Variants in SYNE1 observed in about 807,000 individuals in gnomAD.
The protein encoded by SYNE1 is nesprin-1.
In SYNE1, 616 loss-of-function variants were observed where a neutral mutation model predicts 1,111.0. That is an observed-to-expected ratio of 0.55 (90% CI 0.52 to 0.59). The LOEUF (loss-of-function observed/expected upper bound fraction) is 0.59. Among genes scored for constraint, SYNE1 ranks in the 20% least tolerant of loss-of-function variants. The pLI is 0.00. For missense variants in SYNE1, 10,006 were observed against 10,417.0 expected (o/e 0.96, Z 1.72); for synonymous variants, 3,855 against 3,825.8 (o/e 1.01, Z -0.28).
At chr6:152,195,981 G>A (rs1025821710) in intron 127 of SYNE1, among the ~76,000 whole-genome samples, 2 of 152,164 alleles carry the variant, frequency 1.3e-5, no homozygotes, top group South Asian at 2.1e-4. Context: ...AGCTGGTACC[G>A]AAACCATAAG....
intron 130 of SYNE1, among the ~76,000 whole-genome samples, chr6:152,170,270 A>T (rs1230932675): frequency 6.6e-6 from 1 of 152,214 alleles, no homozygotes; most frequent in Non-Finnish European, 1.5e-5. Context: ...AGAAAATCCT[A>T]GATAAGTTGT....
At chr6:152,616,495 G>C (rs2099650154) in intron 3 of SYNE1, among the ~76,000 whole-genome samples, 1 of 152,116 alleles carries the variant, frequency 6.6e-6, no homozygotes, top group Non-Finnish European at 1.5e-5. Flanking sequence ...AGGATTGCTT[G>C]AGCCCAGGAG....
chr6:152,589,559 AC>A (rs2099551940), intron 3 of SYNE1, among the ~76,000 whole-genome samples: 2 of 152,200 alleles, frequency 1.3e-5, no homozygotes, highest in African/African-American at 4.8e-5. Context: ...CCATATGGGA[AC>A]TTTTTTCTAA....
intron 145 of SYNE1, chr6:152,127,236 G>C (rs2053783755): frequency 6.6e-6 from 1 of 152,156 alleles, no homozygotes; most frequent in Non-Finnish European, 1.5e-5. Context: ...TAACGGGGTA[G>C]GGTCTGGAGT....
chr6:152,403,724 TAAAC>T (rs971792624), intron 46 of SYNE1, among the ~76,000 whole-genome samples: 1 of 151,872 alleles, frequency 6.6e-6, no homozygotes, highest in East Asian at 1.9e-4. Flanking sequence ...CCTGTCTCAA[TAAAC>T]AAACAAACAA....
intron 3 of SYNE1, among the ~76,000 whole-genome samples, chr6:152,585,123 G>C (rs2099533466): frequency 6.6e-6 from 1 of 151,686 alleles, no homozygotes; most frequent in Non-Finnish European, 1.5e-5. Context: ...TTTTATGAGG[G>C]GCTTTTCCCC....
chr6:152,368,839 C>T (rs1054691461), intron 61 of SYNE1, 133 bp downstream of exon 61: 35 of 1,059,280 alleles, frequency 3.3e-5, no homozygotes, highest in South Asian at 2.3e-4. Flanking sequence ...ACAGCACACA[C>T]GCCCCTTACT....
In SYNE1 at chr6:152,259,365, G is replaced by A. The variant is rs192180222; in HGVS notation, c.18973-2600C>T. 1.0e-3 allele frequency among the ~76,000 whole-genome samples: 157 copies of A among 152,250 alleles called. 1 individual carries two copies. The highest frequency in any genetic ancestry group is 3.6e-3 in the African/African-American group (151 of 41,552). On this transcript the variant is annotated intron_variant, in intron 101 of 145. Coordinates refer to ENST00000367255, the MANE Select transcript of SYNE1 (RefSeq NM_182961.4). ...TGTATTTCACCCTGAAGCCAAGTAG[G>A]TTGTTGTGCATGGAAGCATTAAATA...
chr6:152,536,374 A>G (rs1420590337), intron 4 of SYNE1, among the ~76,000 whole-genome samples: 2 of 128,538 alleles, frequency 1.6e-5, no homozygotes, highest in Admixed American at 8.2e-5. Context: ...ATATATATAT[A>G]GTAATATATA....
At chr6:152,377,026 A>T in intron 56 of SYNE1, 114 bp from the exon 57 acceptor site, 1 of 1,313,700 alleles carries the variant, frequency 7.6e-7, no homozygotes, top group Non-Finnish European at 1.1e-6. Flanking sequence ...AAGAACCAAC[A>T]TGGTAGATTC....
At chr6:152,456,687 T>C (rs765491297) in intron 22 of SYNE1, 20 of 449,328 alleles carry the variant, frequency 4.5e-5, no homozygotes, top group South Asian at 3.2e-4. Flanking sequence ...CACCTCTGAC[T>C]TGTAGCCTGC....
chr6:152,282,056 T>C (rs2094060344), intron 96 of SYNE1, 76 bp from the exon 97 acceptor site: 1 of 1,470,752 alleles, frequency 6.8e-7, no homozygotes. Flanking sequence ...AAAGCAATGG[T>C]TCCAGGCCCT....
intron 137 of SYNE1, chr6:152,144,126 A>G (rs2059025517): frequency 8.9e-6 from 3 of 337,174 alleles, no homozygotes; most frequent in African/African-American, 4.3e-5. Flanking sequence ...CATCTCAGTA[A>G]GGAGAAAGCT....
At chr6:152,549,012 G>T (rs546149648) in intron 3 of SYNE1, among the ~76,000 whole-genome samples, 26 of 152,318 alleles carry the variant, frequency 1.7e-4, no homozygotes, top group African/African-American at 6.0e-4. Flanking sequence ...ATCTGTGGAA[G>T]AATTCAGATG....
At chr6:152,502,539 C>A (rs1383582268) in intron 10 of SYNE1, 94 bp downstream of exon 10, 1 of 923,464 alleles carries the variant, frequency 1.1e-6, no homozygotes, top group African/African-American at 1.6e-5. Flanking sequence ...TATTAAAATG[C>A]ATTCAAATTT....
At chr6:152,405,282 A>G (rs1196771924) in intron 45 of SYNE1, among the ~76,000 whole-genome samples, 1 of 152,208 alleles carries the variant, frequency 6.6e-6, no homozygotes, top group Non-Finnish European at 1.5e-5. Flanking sequence ...AGCATATTGA[A>G]TCATTGGATT....
In SYNE1 at chr6:152,301,901, G is replaced by A. The variant is rs762353997; in HGVS notation, c.17509C>T (p.Pro5837Ser). 3.1e-6 allele frequency: 5 copies of A among 1,613,716 alleles called. No homozygotes were observed. Among genetic ancestry groups the A allele is most frequent in the Non-Finnish European group, 4.2e-6 (5 of 1,179,822 alleles). The change falls in exon 92 of 146, where the codon CCC becomes TCC. Residue 5837 changes from proline (P) to serine (S), a missense_variant. Physicochemically the swap from Pro to Ser is moderately conservative, Grantham distance 74. This residue lies in a region of SYNE1 where 4,955 missense variants were observed against 5,017.2 expected (regional missense o/e 0.99). Coordinates refer to ENST00000367255, the MANE Select transcript of SYNE1 (RefSeq NM_182961.4). ...GTEDLDGELL[P>S]TPSAHPSVVM... ...ACAGAGGGGTGGGCCGAAGGCGTGG[G>A]GAGGAGCTCCCCATCCAGGTCCTCT...
rs574053671 is a variant in SYNE1, at chr6:152,331,581, G to A, written c.13104C>T (p.Ala4368=). Residue 4368 remains alanine, a synonymous_variant, in exon 78 of 146, where the codon GCC becomes GCT. Coordinates refer to ENST00000367255, the MANE Select transcript of SYNE1 (RefSeq NM_182961.4). The part of the protein sequence containing the change: ...EWAEEQQPNI[A]EALKQSPPPD... ...GAGGAGGGCTCTGCTTAAGGGCCTCGGCGATGTTGGGTTGTTGCTCTTCTG... is the reference window on the plus strand; with the variant it reads ...GAGGAGGGCTCTGCTTAAGGGCCTCAGCGATGTTGGGTTGTTGCTCTTCTG... 13 of 1,614,094 alleles carry A rather than the reference G, an allele frequency of 8.1e-6. No homozygotes were observed. Among genetic ancestry groups the A allele is most frequent in the African/African-American group, 6.7e-5 (5 of 75,014 alleles).
In SYNE1 at chr6:152,256,431, AAAATAAAT is replaced by A. The variant is rs3038206; in HGVS notation, c.19104+195_19104+202del. Among the ~76,000 whole-genome samples the A allele has an allele frequency of 0.14, 20,624 of 146,958 alleles. 1,992 individuals carry two copies. The highest frequency in any genetic ancestry group is 0.45 in the East Asian group (2,217 of 4,960). On this transcript the variant is annotated intron_variant, in intron 102 of 145. Coordinates refer to ENST00000367255, the MANE Select transcript of SYNE1 (RefSeq NM_182961.4). ...GGTGACAGAGTGAGACTCGGTCTAAAAAATAAATAAATAAATAAATAAATAAATAAATA... is the reference window on the plus strand; with the variant it reads ...GGTGACAGAGTGAGACTCGGTCTAAAAAATAAATAAATAAATAAATAAATA...
Sources: allele counts gnomAD v4.1 joint callset (sites outside exome capture counted in the v4.1 genomes callset), GRCh38; gene constraint gnomAD v4.1.1; regional missense constraint gnomAD v4.1.1; transcripts MANE v1.5; gene names NCBI Gene and HGNC (gene_info 2026-07-23, HGNC 2026-07-21).